The following FNBP1L variants were observed in gnomAD, a reference collection of about 807,000 sequenced individuals.
FNBP1L encodes the protein formin binding protein 1 like, also known as formin-binding protein 1-like.
FNBP1L carries 36 observed loss-of-function variants against 91.2 expected under a neutral mutation model. The ratio of observed to expected loss-of-function variants is 0.39; its 90% CI spans 0.30 to 0.52. The LOEUF is 0.52. FNBP1L is among the 20% of genes least tolerant of loss of function. The pLI, the probability that FNBP1L is intolerant of heterozygous loss-of-function variation, is 0.66. For synonymous variants in FNBP1L, 242 were observed against 237.0 expected, an observed-to-expected ratio of 1.02 and a Z score of -0.19; for missense variants, 571 against 732.1, an observed-to-expected ratio of 0.78 and a Z score of 2.54.
chr1:93,452,802 C>T (rs1159575076), intron 1 of FNBP1L, among the ~76,000 whole-genome samples: 1 of 152,124 alleles, frequency 6.6e-6, no homozygotes, highest in Non-Finnish European at 1.5e-5. Flanking sequence ...TGAATTGCTT[C>T]TCCAAAAGTA....
intron 9 of FNBP1L, among the ~76,000 whole-genome samples, chr1:93,535,348 G>T (rs779714033): frequency 6.6e-6 from 1 of 152,066 alleles, no homozygotes; most frequent in African/African-American, 2.4e-5. Context: ...AATGGGAAAG[G>T]TTCAGTCTTG....
At chr1:93,451,305 A>G (rs1668486361) in intron 1 of FNBP1L, among the ~76,000 whole-genome samples, 1 of 152,166 alleles carries the variant, frequency 6.6e-6, no homozygotes, top group Admixed American at 6.6e-5. Flanking sequence ...ATTGGAAAAG[A>G]CCTATGTTTA....
chr1:93,520,996 C>T (rs1037171380), intron 2 of FNBP1L, among the ~76,000 whole-genome samples: 15 of 152,074 alleles, frequency 9.9e-5, no homozygotes, highest in African/African-American at 2.2e-4. Context: ...GGGCTGAGAT[C>T]GCCCCACTGC....
At chr1:93,533,205 A>G in intron 8 of FNBP1L, 137 bp downstream of exon 8, 2 of 595,612 alleles carry the variant, frequency 3.4e-6, no homozygotes, top group South Asian at 1.1e-4. Context: ...AATGTCTTGC[A>G]ATAGATTCCT....
chr1:93,481,193 T>C (rs1449098223), intron 1 of FNBP1L, among the ~76,000 whole-genome samples: 1 of 152,212 alleles, frequency 6.6e-6, no homozygotes, highest in East Asian at 1.9e-4. Context: ...AACAAACTTC[T>C]TAATTTCTAT....
intron 5 of FNBP1L, among the ~76,000 whole-genome samples, chr1:93,529,390 C>CAAATTTTACAA (rs1671599705): frequency 6.6e-6 from 1 of 152,064 alleles, no homozygotes; most frequent in African/African-American, 2.4e-5. Context: ...GTGCGCAGTT[C>CAAATTTTACAA]ATTTCCACAC....
intron 1 of FNBP1L, chr1:93,488,260 G>A (rs1010025849): frequency 2.0e-5 from 3 of 152,020 alleles, no homozygotes; most frequent in Admixed American, 2.0e-4. Context: ...CTCTGAGTTC[G>A]GGGTGTGTGT....
rs187249887 is a variant in FNBP1L at position 93,457,277 on chromosome 1, C to T, written c.24+8972C>T. On this transcript the variant is annotated intron_variant, in intron 1 of 16. Transcript: ENST00000271234. Reference sequence around the variant, plus strand: ...ATACCGTATGGTAAGTACTCTTTTGCACCTTCTTCCTTTTTAACATCTGTT... The same window carrying T: ...ATACCGTATGGTAAGTACTCTTTTGTACCTTCTTCCTTTTTAACATCTGTT... Among the ~76,000 whole-genome samples the T allele has an allele frequency of 5.5e-4, 84 of 152,264 alleles. No individual in the cohort carries two copies. In the South Asian group the frequency reaches 6.0e-3, roughly 11 times the overall value.
At chr1:93,486,738 A>G (rs1350122861) in intron 1 of FNBP1L, among the ~76,000 whole-genome samples, 1 of 152,182 alleles carries the variant, frequency 6.6e-6, no homozygotes, top group Non-Finnish European at 1.5e-5. Context: ...GTTTAGACCT[A>G]TGCCCACTTA....
chr1:93,497,796 T>G (rs932271816), intron 1 of FNBP1L, among the ~76,000 whole-genome samples: 6 of 151,976 alleles, frequency 3.9e-5, no homozygotes, highest in African/African-American at 1.5e-4. Flanking sequence ...ATTTTTGTAT[T>G]TTTAGTGGAG....
chr1:93,543,973 T>C, intron 11 of FNBP1L, 134 bp from the exon 12 acceptor site: 1 of 532,432 alleles, frequency 1.9e-6, no homozygotes. Flanking sequence ...ATTTCTTTTT[T>C]TTTTAAGGGG....
intron 7 of FNBP1L, among the ~76,000 whole-genome samples, chr1:93,531,493 T>G (rs1032311270): frequency 6.6e-6 from 1 of 152,220 alleles, no homozygotes; most frequent in Non-Finnish European, 1.5e-5. Context: ...AAAAGGGATT[T>G]AGTAAAGCAG....
chr1:93,537,829 C>G (rs1671896173), intron 10 of FNBP1L, among the ~76,000 whole-genome samples: 1 of 152,072 alleles, frequency 6.6e-6, no homozygotes, highest in Non-Finnish European at 1.5e-5. Flanking sequence ...TGTTGCTTCC[C>G]TATGGCAGTT....
chr1:93,507,985 T>G (rs1443510267), intron 2 of FNBP1L, among the ~76,000 whole-genome samples: 3 of 151,260 alleles, frequency 2.0e-5, no homozygotes, highest in African/African-American at 7.3e-5. Context: ...GAAAGCATTA[T>G]ATGATCATTA....
chr1:93,492,713 C>G (rs970838057), intron 1 of FNBP1L, among the ~76,000 whole-genome samples: 1 of 151,988 alleles, frequency 6.6e-6, no homozygotes, highest in Non-Finnish European at 1.5e-5. Flanking sequence ...AGCTTAAGCC[C>G]AGGAGTTCGA....
At chr1:93,463,797 C>G (rs1416455081) in intron 1 of FNBP1L, among the ~76,000 whole-genome samples, 1 of 152,186 alleles carries the variant, frequency 6.6e-6, no homozygotes, top group Non-Finnish European at 1.5e-5. Flanking sequence ...ACTTACATCA[C>G]CTTTTCTCAT....
In FNBP1L at chr1:93,513,566, C is replaced by G. The variant is rs1283204177; in HGVS notation, c.141-8516C>G. 6.0e-5 allele frequency among the ~76,000 whole-genome samples: 9 copies of G among 150,444 alleles called. No individual in the cohort carries two copies. The East Asian group carries it at 1.8e-3, about 29-fold the overall frequency. The stretch of plus-strand genomic sequence containing the variant: ...TCCAGCAGCACATCAAAAAGCTTAT[C>G]CACCATGATCAAGTGGGCTTCATCC... On this transcript the variant is annotated intron_variant, in intron 2 of 16. Coordinates refer to ENST00000271234, the MANE Select transcript of FNBP1L (RefSeq NM_001164473.3).
At chr1:93,467,722 C>A (rs1669139195) in intron 1 of FNBP1L, among the ~76,000 whole-genome samples, 1 of 152,000 alleles carries the variant, frequency 6.6e-6, no homozygotes, top group South Asian at 2.1e-4. Flanking sequence ...CTGTAGTGTG[C>A]CATAATTGTG....
chr1:93,552,275 T>C (rs1205653128), intron 16 of FNBP1L, 134 bp from the exon 17 acceptor site: 1 of 1,455,038 alleles, frequency 6.9e-7, no homozygotes, highest in Admixed American at 2.6e-5. Flanking sequence ...ATGTTTTAAA[T>C]TTTCCTGGTG....
Sources: gnomAD v4.1 joint callset for allele counts (sites outside exome capture counted in the v4.1 genomes callset) on GRCh38, gnomAD v4.1.1 for gene constraint, MANE v1.5 for transcripts, NCBI Gene and HGNC (gene_info 2026-07-23, HGNC 2026-07-21) for gene names.